The following AKAP14 variants were observed in gnomAD, a reference collection of about 807,000 sequenced individuals.
AKAP14 encodes the protein A-kinase anchor protein 14.
In AKAP14, 4 loss-of-function variants were observed where a neutral mutation model predicts 17.0. The ratio of observed to expected loss-of-function variants is 0.23; its 90% confidence interval spans 0.12 to 0.54. The LOEUF (loss-of-function observed/expected upper bound fraction) is 0.54. AKAP14 is among the 20% of genes least tolerant of loss of function. The probability of loss-of-function intolerance (pLI) is 0.95; values close to 1 mark genes in which losing one functional copy is unlikely to be tolerated. For missense variants in AKAP14, 129 were observed against 150.9 expected (o/e 0.85, Z 0.76); for synonymous variants, 42 against 51.3 (o/e 0.82, Z 0.77).
chrX:119,898,861 G>A (rs1490858017), intron 2 of AKAP14, among the ~76,000 whole-genome samples: 19 of 105,351 alleles, frequency 1.8e-4, no homozygotes, highest in African/African-American at 6.2e-4. Flanking sequence ...TGGGTCACTG[G>A]ACTCTAGATG....
intron 3 of AKAP14, 29 bp downstream of exon 3, chrX:119,903,421 A>C (rs750136416): frequency 1.5e-5 from 18 of 1,210,899 alleles, no homozygotes; most frequent in Non-Finnish European, 2.0e-5. Flanking sequence ...TGGATGCCTA[A>C]ATAATTGTCT....
intron 4 of AKAP14, among the ~76,000 whole-genome samples, chrX:119,908,056 C>T (rs764529972): frequency 9.9e-5 from 11 of 110,897 alleles, no homozygotes; most frequent in African/African-American, 3.6e-4. Flanking sequence ...GAGGGCGAGG[C>T]GGGCGGATCA....
chrX:119,903,772 A>C (rs1252428291), intron 4 of AKAP14, 186 bp downstream of exon 4: 22 of 784,622 alleles, frequency 2.8e-5, no homozygotes, highest in Non-Finnish European at 3.6e-5. Flanking sequence ...TGAAGGTGAA[A>C]TGCACAATCA....
Position 119,917,092 on chromosome X carries a change from C to T in AKAP14, c.441+2214C>T, listed in dbSNP as rs200216344. 4.4e-3 allele frequency among the ~76,000 whole-genome samples: 429 copies of T among 96,714 alleles called. 9 individuals are homozygous for T. The highest frequency in any genetic ancestry group is 0.042 in the Admixed American group (374 of 8,901). The allele number at this position is 96,714 out of a possible 115,157, so 84.0% of individuals were successfully genotyped here. A position where few individuals can be genotyped will look rare whatever the true frequency, so the allele number is the denominator to read the frequency against. ...CTGCACTCTAGCCTGGGTGACAGAG[C>T]GAGACTCCGTCTCCAAAAAAAAAAA... On this transcript the variant is annotated intron_variant, in intron 5 of 6. Transcript: ENST00000371431.
chrX:119,896,521 A>T (rs2147823985), intron 2 of AKAP14, among the ~76,000 whole-genome samples: 1 of 107,675 alleles, frequency 9.3e-6, no homozygotes, highest in African/African-American at 3.4e-5. Flanking sequence ...TAACTAGGAG[A>T]TGCCAGTGGG....
intron 4 of AKAP14, among the ~76,000 whole-genome samples, chrX:119,912,270 G>A (rs1460833116): frequency 9.0e-6 from 1 of 110,851 alleles, no homozygotes; most frequent in Non-Finnish European, 1.9e-5. Flanking sequence ...AGCTATGACT[G>A]AAGCTGTGCT....
intron 4 of AKAP14, among the ~76,000 whole-genome samples, chrX:119,907,829 AT>A (rs774513020): frequency 2.6e-3 from 287 of 110,471 alleles, no homozygotes; most frequent in Non-Finnish European, 4.3e-3. Context: ...TAGGAAAAGT[AT>A]TTTTTTTTCT....
chrX:119,902,981 G>A (rs923232860), intron 2 of AKAP14, among the ~76,000 whole-genome samples: 1 of 112,248 alleles, frequency 8.9e-6, no homozygotes, highest in African/African-American at 3.2e-5. Context: ...GTGAGCCACC[G>A]CGCCGGGCCT....
At chrX:119,919,882 G>C in intron 5 of AKAP14, 29 bp from the exon 6 acceptor site, 5 of 1,202,259 alleles carry the variant, frequency 4.2e-6, no homozygotes, top group Non-Finnish European at 5.6e-6. Flanking sequence ...TGACTGGTCT[G>C]GGCTAACAGT....
At chrX:119,905,219 GGAAGGCCTGGTCAGGTGT>G (rs758930669) in intron 4 of AKAP14, among the ~76,000 whole-genome samples, 1 of 112,288 alleles carries the variant, frequency 8.9e-6, no homozygotes, top group East Asian at 2.8e-4. Context: ...CCAGGCCTTA[GGAAGGCCTGGTCAGGTGT>G]GAAGGAGGAA....
chrX:119,909,765 A>G (rs2056617789), intron 4 of AKAP14, among the ~76,000 whole-genome samples: 1 of 107,768 alleles, frequency 9.3e-6, no homozygotes, highest in Non-Finnish European at 1.9e-5. Flanking sequence ...AGCACCTGTA[A>G]TCCCAGCTAC....
intron 5 of AKAP14, among the ~76,000 whole-genome samples, chrX:119,917,781 AAAAG>A (rs895999242): frequency 1.4e-4 from 16 of 111,628 alleles, no homozygotes; most frequent in South Asian, 3.7e-4. Context: ...TCCATCTCAA[AAAAG>A]AAAGAAAGAA....
At chrX:119,899,231 T>C (rs1425008107) in intron 2 of AKAP14, among the ~76,000 whole-genome samples, 1 of 105,360 alleles carries the variant, frequency 9.5e-6, no homozygotes, top group Non-Finnish European at 2.0e-5. Flanking sequence ...TCTTTCTCAA[T>C]CTTGGAGGGA....
intron 4 of AKAP14, among the ~76,000 whole-genome samples, chrX:119,910,240 T>C (rs2056620653): frequency 8.9e-6 from 1 of 112,127 alleles, no homozygotes; most frequent in African/African-American, 3.2e-5. Flanking sequence ...TGCTCTTCTC[T>C]GGACTGAAAC....
chrX:119,920,082 C>A, intron 6 of AKAP14, 119 bp downstream of exon 6: 1 of 744,327 alleles, frequency 1.3e-6, no homozygotes, highest in South Asian at 2.7e-5. Flanking sequence ...TTCTTTGGAC[C>A]ACCAAGCCCA....
Position 119,914,463 on chromosome X carries a change from G to T in AKAP14, c.262-236G>T, listed in dbSNP as rs1483897903. ...AGCCTCCCCAGTAGCTGGGATTACA[G>T]GTGCGTGCCACCATGCCTGGCTAAT... On this transcript the variant is annotated intron_variant, in intron 4 of 6. Coordinates refer to ENST00000371431, the MANE Select transcript of AKAP14 (RefSeq NM_178813.6). Among the ~76,000 whole-genome samples, 8 of 109,784 alleles carry T rather than the reference G, an allele frequency of 7.3e-5. No homozygotes were observed. The Admixed American group carries it at 7.9e-4, about 11-fold the overall frequency.
At chrX:119,896,863 T>G (rs2056531060) in intron 2 of AKAP14, among the ~76,000 whole-genome samples, 2 of 96,151 alleles carry the variant, frequency 2.1e-5, no homozygotes, top group South Asian at 5.0e-4. Context: ...TAGGCTGGAG[T>G]GCAGCAGCGC....
At chrX:119,897,360 T>C (rs190755030) in intron 2 of AKAP14, among the ~76,000 whole-genome samples, 2,139 of 108,271 alleles carry the variant, frequency 0.02, 55 homozygotes, top group African/African-American at 0.065. Context: ...GGGGTTTCAC[T>C]GTGTTAGCCA....
intron 5 of AKAP14, among the ~76,000 whole-genome samples, chrX:119,917,497 C>T (rs1398844118): frequency 6.3e-5 from 7 of 111,720 alleles, no homozygotes; most frequent in African/African-American, 1.6e-4. Flanking sequence ...CCCAGTAACT[C>T]GGGAGGCTGA....
Sources: allele counts gnomAD v4.1 joint callset (sites outside exome capture counted in the v4.1 genomes callset), GRCh38; gene constraint gnomAD v4.1.1; transcripts MANE v1.5; gene names NCBI Gene and HGNC (gene_info 2026-07-23, HGNC 2026-07-21).